Variants in SCD5 observed in about 807,000 individuals in gnomAD.
SCD5 encodes acyl-CoA-desaturase 4.
A neutral mutation model predicts 30.4 loss-of-function variants in SCD5; 20 were observed. The observed-to-expected ratio is 0.66, with a 90% CI of 0.46 to 0.96. The LOEUF is 0.96. Ranked by LOEUF, SCD5 falls within the 40% of genes least tolerant of loss-of-function variation. The probability of loss-of-function intolerance (pLI) is 0.00; values close to 1 mark genes in which losing one functional copy is unlikely to be tolerated. For synonymous variants in SCD5, 173 were observed against 176.4 expected (o/e 0.98, Z 0.16); for missense variants, 381 against 443.3 (o/e 0.86, Z 1.26).
intron 1 of SCD5, among the ~76,000 whole-genome samples, chr4:82,768,720 G>A (rs562583594): frequency 6.6e-6 from 1 of 152,314 alleles, no homozygotes; most frequent in Non-Finnish European, 1.5e-5. Flanking sequence ...AAAGAAGAAT[G>A]AAAATGGTAG....
intron 4 of SCD5, 151 bp from the exon 5 acceptor site, chr4:82,631,668 T>C (rs1727297697): frequency 4.3e-6 from 3 of 693,428 alleles, no homozygotes; most frequent in Non-Finnish European, 4.7e-6. Flanking sequence ...TCCAAAGGCA[T>C]TGACTTAGTT....
intron 1 of SCD5, among the ~76,000 whole-genome samples, chr4:82,795,996 C>T (rs907192089): frequency 4.0e-5 from 6 of 149,364 alleles, no homozygotes; most frequent in East Asian, 2.0e-4. Flanking sequence ...ACGGGCCGGG[C>T]GCAGTGGCTC....
intron 2 of SCD5, among the ~76,000 whole-genome samples, chr4:82,694,435 C>T (rs927716930): frequency 6.6e-6 from 1 of 152,168 alleles, no homozygotes; most frequent in Non-Finnish European, 1.5e-5. Context: ...AAAGCTGTTT[C>T]CACCTCCTGA....
intron 3 of SCD5, among the ~76,000 whole-genome samples, chr4:82,675,959 A>G (rs2148820126): frequency 6.6e-6 from 1 of 152,342 alleles, no homozygotes; most frequent in African/African-American, 2.4e-5. Context: ...GATTTTATTC[A>G]AGGGTCCAAC....
chr4:82,665,194 GT>G (rs1338120190), intron 3 of SCD5, among the ~76,000 whole-genome samples: 8 of 136,676 alleles, frequency 5.9e-5, no homozygotes, highest in African/African-American at 2.2e-4. Context: ...CTATGATCAT[GT>G]CACTGCACTG....
chr4:82,734,414 T>G (rs1263230897), intron 1 of SCD5, among the ~76,000 whole-genome samples: 4 of 152,224 alleles, frequency 2.6e-5, no homozygotes, highest in Non-Finnish European at 5.9e-5. Flanking sequence ...CTCTTGGTAA[T>G]CACACTTTTC....
chr4:82,704,504 G>A lies in SCD5; in HGVS notation c.363+779C>T, dbSNP rs573406618. Among the ~76,000 whole-genome samples, 11 of 152,346 alleles carry A rather than the reference G, an allele frequency of 7.2e-5. No homozygotes were observed. The South Asian group carries it at 2.3e-3, about 32-fold the overall frequency. ...ACCCAAGGAGGTGGGGAATGGTCTA[G>A]GACTGGGATAGTCTTAAAGAATATG... On this transcript the variant is annotated intron_variant, in intron 2 of 4. Transcript: ENST00000319540.
At chr4:82,683,592 A>T (rs561046790) in intron 2 of SCD5, among the ~76,000 whole-genome samples, 1 of 152,154 alleles carries the variant, frequency 6.6e-6, no homozygotes, top group Non-Finnish European at 1.5e-5. Flanking sequence ...ACTTTCTTTC[A>T]TCTTGTTAAA....
At chr4:82,742,815 G>A (rs747236419) in intron 1 of SCD5, among the ~76,000 whole-genome samples, 3 of 152,150 alleles carry the variant, frequency 2.0e-5, no homozygotes, top group Non-Finnish European at 2.9e-5. Context: ...AATTACAGGA[G>A]AGAGCTCACC....
intron 1 of SCD5, among the ~76,000 whole-genome samples, chr4:82,786,171 A>G (rs1721982569): frequency 6.6e-6 from 1 of 152,154 alleles, no homozygotes; most frequent in South Asian, 2.1e-4. Flanking sequence ...TGAAAGGGAG[A>G]AGGGTAGAGA....
chr4:82,751,528 GTAAGGTCCCTA>G (rs1303469390), intron 1 of SCD5, among the ~76,000 whole-genome samples: 1 of 152,164 alleles, frequency 6.6e-6, no homozygotes, highest in Non-Finnish European at 1.5e-5. Context: ...AGTCAGGGAG[GTAAGGTCCCTA>G]TATATGCTGT....
chr4:82,675,537 A>G (rs1728417229), intron 3 of SCD5, among the ~76,000 whole-genome samples: 1 of 152,084 alleles, frequency 6.6e-6, no homozygotes, highest in Non-Finnish European at 1.5e-5. Context: ...CATTCCATCC[A>G]TTTTCTTTCA....
At chr4:82,768,536 A>G (rs566764343) in intron 1 of SCD5, among the ~76,000 whole-genome samples, 2 of 152,326 alleles carry the variant, frequency 1.3e-5, no homozygotes, top group South Asian at 4.1e-4. Context: ...TGATCTTGGT[A>G]TTACAAATCA....
chr4:82,784,335 A>G (rs1047478273), intron 1 of SCD5, among the ~76,000 whole-genome samples: 31 of 152,222 alleles, frequency 2.0e-4, no homozygotes, highest in Admixed American at 1.8e-3. Flanking sequence ...TAGACACAAT[A>G]TACAGCCTCA....
chr4:82,743,119 G>A (rs1055778079), intron 1 of SCD5, among the ~76,000 whole-genome samples: 1 of 152,146 alleles, frequency 6.6e-6, no homozygotes, highest in South Asian at 2.1e-4. Context: ...ATTAAATCAA[G>A]TTCAAAGGTT....
intron 3 of SCD5, among the ~76,000 whole-genome samples, chr4:82,662,223 ATTTTCTTATT>A (rs1248898442): frequency 2.6e-5 from 4 of 151,892 alleles, no homozygotes; most frequent in African/African-American, 9.7e-5. Flanking sequence ...TGCTCAGCTA[ATTTTCTTATT>A]TTTGGTAGAG....
At chr4:82,759,126 C>A (rs1427532843) in intron 1 of SCD5, among the ~76,000 whole-genome samples, 2 of 152,256 alleles carry the variant, frequency 1.3e-5, no homozygotes, top group African/African-American at 4.8e-5. Flanking sequence ...TCTTTTGCGA[C>A]TGAGCCTGAC....
chr4:82,791,237 CA>C (rs1266612729), intron 1 of SCD5, among the ~76,000 whole-genome samples: 47 of 141,056 alleles, frequency 3.3e-4, no homozygotes, highest in South Asian at 4.5e-4. Flanking sequence ...GACTCCATCT[CA>C]AAAAAAAAAA....
intron 2 of SCD5, among the ~76,000 whole-genome samples, chr4:82,692,761 A>C: frequency 6.6e-6 from 1 of 152,194 alleles, no homozygotes; most frequent in South Asian, 2.1e-4. Context: ...TGAACCTGAG[A>C]TGTGTTCATA....
Sources: gnomAD v4.1 joint callset for allele counts (sites outside exome capture counted in the v4.1 genomes callset) on GRCh38, gnomAD v4.1.1 for gene constraint, MANE v1.5 for transcripts, NCBI Gene and HGNC (gene_info 2026-07-23, HGNC 2026-07-21) for gene names.